GPHN: variants seen among roughly 807,000 people sequenced by gnomAD.
The protein encoded by GPHN is gephyrin.
Under a neutral mutation model 95.5 loss-of-function variants are expected in GPHN, and 17 were observed. The observed-to-expected ratio is 0.18, with a 90% CI of 0.12 to 0.27. The LOEUF is 0.27. Ranked by LOEUF, GPHN falls within the 10% of genes least tolerant of loss-of-function variation. GPHN has a pLI of 1.00. For synonymous variants in GPHN, 320 were observed against 322.5 expected (o/e 0.99, Z 0.08); for missense variants, 660 against 978.1 (o/e 0.67, Z 4.34).
At chr14:67,504,986 T>C in the GPHN span, among the ~76,000 whole-genome samples, 3 of 152,232 alleles carry the variant, frequency 2.0e-5, no homozygotes, top group African/African-American at 2.4e-5. Context: ...CCAAGTGCGT[T>C]TGGATATTTT....
chr14:67,644,623 C>G, the GPHN span, among the ~76,000 whole-genome samples: 1 of 152,144 alleles, frequency 6.6e-6, no homozygotes, highest in African/African-American at 2.4e-5. Context: ...CAGGTGTATT[C>G]TTAGAATTGA....
chr14:67,692,376 T>C, the GPHN span: 1 of 1,564,792 alleles, frequency 6.4e-7, no homozygotes, highest in Non-Finnish European at 8.7e-7. Context: ...CTTTTCCTTT[T>C]AGTTGAATCT....
chr14:66,672,239 G>A (rs1028620212), intron 1 of GPHN, among the ~76,000 whole-genome samples: 1 of 151,928 alleles, frequency 6.6e-6, no homozygotes, highest in African/African-American at 2.4e-5. Context: ...GGTATTTGGG[G>A]ATACTTCTTT....
intron 1 of GPHN, among the ~76,000 whole-genome samples, chr14:66,555,040 G>A (rs904644589): frequency 4.6e-5 from 7 of 152,042 alleles, no homozygotes; most frequent in African/African-American, 1.7e-4. Context: ...TTAATGTATA[G>A]CTTCAGAATA....
the GPHN span, among the ~76,000 whole-genome samples, chr14:67,683,277 A>C: frequency 5.3e-5 from 8 of 152,042 alleles, no homozygotes; most frequent in Non-Finnish European, 7.4e-5. Context: ...ACCAAGATAA[A>C]GGGTTATTTT....
the GPHN span, chr14:67,412,120 G>C: frequency 1.4e-6 from 2 of 1,410,186 alleles, no homozygotes; most frequent in African/African-American, 3.0e-5. Context: ...GCGCTCCTCG[G>C]CACCCGCGCA....
the GPHN span, among the ~76,000 whole-genome samples, chr14:67,231,969 T>TAAAAAAA: frequency 7.1e-6 from 1 of 140,698 alleles, no homozygotes; most frequent in Non-Finnish European, 1.6e-5. Flanking sequence ...ACTGTGTCTT[T>TAAAAAAA]AAAAAAAAAA....
chr14:67,368,624 A>G, the GPHN span, among the ~76,000 whole-genome samples: 1 of 152,214 alleles, frequency 6.6e-6, no homozygotes. Flanking sequence ...CACAAAGGCC[A>G]GGAGGTGTGG....
At chr14:66,556,661 C>T (rs770013616) in intron 1 of GPHN, among the ~76,000 whole-genome samples, 2 of 151,920 alleles carry the variant, frequency 1.3e-5, no homozygotes, top group African/African-American at 2.4e-5. Context: ...AACTTTTGGT[C>T]CCATAATTAT....
the GPHN span, among the ~76,000 whole-genome samples, chr14:67,705,655 G>T: frequency 2.0e-5 from 3 of 152,144 alleles, no homozygotes; most frequent in Non-Finnish European, 4.4e-5. Flanking sequence ...TAATTTCCTG[G>T]TTTTGATCAT....
At chr14:67,344,186 C>A in the GPHN span, among the ~76,000 whole-genome samples, 1 of 152,282 alleles carries the variant, frequency 6.6e-6, no homozygotes, top group South Asian at 2.1e-4. Context: ...TGATTGTGAC[C>A]TCTGTATTGT....
At chr14:67,219,469 T>C in the GPHN span, among the ~76,000 whole-genome samples, 1 of 152,196 alleles carries the variant, frequency 6.6e-6, no homozygotes, top group African/African-American at 2.4e-5. Flanking sequence ...TTTGGTCCTT[T>C]CTTGTGGGAG....
chr14:67,277,361 T>G, the GPHN span, among the ~76,000 whole-genome samples: 1 of 152,174 alleles, frequency 6.6e-6, no homozygotes, highest in African/African-American at 2.4e-5. Context: ...TTTTCCTGAT[T>G]GTTGGACTAG....
chr14:66,846,839 T>C (rs2062359215), intron 4 of GPHN, among the ~76,000 whole-genome samples: 1 of 152,162 alleles, frequency 6.6e-6, no homozygotes. Context: ...TTGAATGTAA[T>C]TGCAAGCACA....
At chr14:66,536,411 CT>C (rs1206239165) in intron 1 of GPHN, among the ~76,000 whole-genome samples, 4 of 152,062 alleles carry the variant, frequency 2.6e-5, no homozygotes, top group African/African-American at 9.7e-5. Flanking sequence ...ATAAACGTTA[CT>C]TTGTCATAAT....
intron 11 of GPHN, among the ~76,000 whole-genome samples, chr14:67,074,553 A>G (rs531347524): frequency 6.6e-6 from 1 of 152,236 alleles, no homozygotes; most frequent in African/African-American, 2.4e-5. Context: ...TAATAACTCT[A>G]CAATGGCCTC....
chr14:66,603,103 AT>A (rs1248474020), intron 1 of GPHN, among the ~76,000 whole-genome samples: 1 of 151,856 alleles, frequency 6.6e-6, no homozygotes, highest in Non-Finnish European at 1.5e-5. Flanking sequence ...TAAACATGGG[AT>A]CATATTTGGA....
chr14:67,143,154 C>G (rs2080591935), intron 17 of GPHN: 2 of 516,072 alleles, frequency 3.9e-6, no homozygotes, highest in South Asian at 4.1e-5. Flanking sequence ...CCAGTAGCCA[C>G]TACTTCAGCA....
intron 16 of GPHN, among the ~76,000 whole-genome samples, chr14:67,121,650 A>G (rs1413348625): frequency 3.3e-5 from 5 of 152,198 alleles, no homozygotes; most frequent in Non-Finnish European, 7.4e-5. Context: ...CATAGTAGAT[A>G]TTAAATCTCT....
Sources: gnomAD v4.1 joint callset for allele counts (sites outside exome capture counted in the v4.1 genomes callset) on GRCh38, gnomAD v4.1.1 for gene constraint, MANE v1.5 for transcripts, NCBI Gene and HGNC (gene_info 2026-07-23, HGNC 2026-07-21) for gene names.